Variants in ERC1 observed in about 807,000 individuals in gnomAD.
The protein encoded by ERC1 is ELKS/RAB6-interacting/CAST family member 1, also known as RAB6 interacting protein 2.
A neutral mutation model predicts 132.0 loss-of-function variants in ERC1; 56 were observed. That is an observed-to-expected ratio of 0.42 (90% confidence interval 0.34 to 0.53). ERC1 has a LOEUF of 0.53. Ranked by LOEUF, ERC1 falls within the 20% of genes least tolerant of loss-of-function variation. ERC1 has a pLI of 0.03. For missense variants in ERC1, 1,202 were observed against 1,349.9 expected, an observed-to-expected ratio of 0.89 and a Z score of 1.72; for synonymous variants, 478 against 476.1, an observed-to-expected ratio of 1.00 and a Z score of -0.05.
intron 16 of ERC1, among the ~76,000 whole-genome samples, chr12:1,392,829 A>G (rs1428321039): frequency 6.6e-6 from 1 of 152,218 alleles, no homozygotes; most frequent in Non-Finnish European, 1.5e-5. Flanking sequence ...TCTTCTACAG[A>G]AAAGACTGAA....
rs1942629831 is a variant in ERC1, at chr12:1,084,134, G to C, written c.1086+554G>C. The stretch of plus-strand genomic sequence containing the variant: ...CTGGAGAGAGTGATGTAGAGACACA[G>C]TGTTACTTATTTTTAGCTGACCTAG... On this transcript the variant is annotated intron_variant, in intron 3 of 18. Coordinates refer to ENST00000360905, the MANE Select transcript of ERC1 (RefSeq NM_178040.4). 2.0e-5 allele frequency among the ~76,000 whole-genome samples: 3 copies of C among 152,202 alleles called. No homozygotes were observed. In the South Asian group the frequency reaches 6.2e-4, roughly 32 times the overall value.
intron 14 of ERC1, among the ~76,000 whole-genome samples, chr12:1,277,027 C>T (rs1430764895): frequency 1.3e-5 from 2 of 152,174 alleles, no homozygotes; most frequent in African/African-American, 4.8e-5. Context: ...AAGTTATTTA[C>T]ATTTTTGTGC....
chr12:1,179,633 A>G (rs1286766814), intron 8 of ERC1, among the ~76,000 whole-genome samples: 10 of 145,334 alleles, frequency 6.9e-5, no homozygotes, highest in South Asian at 2.1e-4. Context: ...TCAGCCTCCC[A>G]AGTAGCTGGG....
At chr12:1,213,872 C>A (rs1414396624) in intron 12 of ERC1, among the ~76,000 whole-genome samples, 1 of 151,668 alleles carries the variant, frequency 6.6e-6, no homozygotes, top group Non-Finnish European at 1.5e-5. Context: ...CCACTGCACT[C>A]AGCCTTGGTG....
intron 2 of ERC1, among the ~76,000 whole-genome samples, chr12:1,033,655 G>A (rs573598837): frequency 3.0e-4 from 45 of 151,248 alleles, no homozygotes; most frequent in Middle Eastern, 6.8e-3. Flanking sequence ...TTTTTGAGAC[G>A]GAGTCTTGCT....
intron 13 of ERC1, among the ~76,000 whole-genome samples, chr12:1,240,949 T>A (rs1315005089): frequency 5.3e-5 from 8 of 152,122 alleles, no homozygotes; most frequent in Admixed American, 3.3e-4. Context: ...GAATCCAGAG[T>A]TCAGTAGCTT....
At chr12:1,455,437 C>T (rs2093511066) in intron 18 of ERC1, among the ~76,000 whole-genome samples, 1 of 152,190 alleles carries the variant, frequency 6.6e-6, no homozygotes, top group South Asian at 2.1e-4. Flanking sequence ...TTAGGATGCT[C>T]CCGTATCTGA....
At chr12:1,113,734 A>G (rs551414478) in intron 6 of ERC1, among the ~76,000 whole-genome samples, 1 of 152,332 alleles carries the variant, frequency 6.6e-6, no homozygotes, top group South Asian at 2.1e-4. Flanking sequence ...ACTATTAGTA[A>G]TTTCTGCATT....
chr12:1,436,747 A>G (rs983233257), intron 17 of ERC1, among the ~76,000 whole-genome samples: 2 of 152,194 alleles, frequency 1.3e-5, no homozygotes, highest in Non-Finnish European at 2.9e-5. Context: ...ACGGGCATGC[A>G]GGGAGTTAAA....
chr12:1,415,538 C>T (rs2092075422), intron 17 of ERC1, among the ~76,000 whole-genome samples: 1 of 152,192 alleles, frequency 6.6e-6, no homozygotes, highest in Non-Finnish European at 1.5e-5. Flanking sequence ...TGTCAGTGTA[C>T]TTATCAGTTG....
At chr12:1,300,658 C>G (rs1594859032) in intron 15 of ERC1, among the ~76,000 whole-genome samples, 1 of 152,270 alleles carries the variant, frequency 6.6e-6, no homozygotes, top group South Asian at 2.1e-4. Flanking sequence ...ACAGACACTT[C>G]TCAAAAGAAG....
intron 2 of ERC1, among the ~76,000 whole-genome samples, chr12:1,073,094 G>A (rs1371136650): frequency 6.6e-6 from 1 of 152,138 alleles, no homozygotes; most frequent in Non-Finnish European, 1.5e-5. Flanking sequence ...GAGGTCAAGA[G>A]ATCGAGACCA....
chr12:1,178,579 G>T (rs1300340083), intron 8 of ERC1, among the ~76,000 whole-genome samples: 1 of 152,114 alleles, frequency 6.6e-6, no homozygotes, highest in Non-Finnish European at 1.5e-5. Flanking sequence ...ACATGTATAT[G>T]TATCATTACT....
intron 4 of ERC1, among the ~76,000 whole-genome samples, chr12:1,105,058 A>T (rs1191475218): frequency 6.6e-6 from 1 of 152,236 alleles, no homozygotes; most frequent in Non-Finnish European, 1.5e-5. Context: ...TCTTTAAATC[A>T]GCTATTCGCA....
intron 15 of ERC1, among the ~76,000 whole-genome samples, chr12:1,296,506 T>A (rs112034923): frequency 0.033 from 4,632 of 139,548 alleles, 113 homozygotes; most frequent in Middle Eastern, 0.061. Context: ...CTCCGCCTCC[T>A]GGGTTCAGGC....
chr12:1,125,652 C>G (rs943337999), intron 7 of ERC1, among the ~76,000 whole-genome samples: 3 of 151,964 alleles, frequency 2.0e-5, no homozygotes, highest in Non-Finnish European at 4.4e-5. Context: ...CCCGTCTCTA[C>G]TAAAAATACA....
At chr12:1,341,061 T>TTC in intron 15 of ERC1, among the ~76,000 whole-genome samples, 2 of 100,412 alleles carry the variant, frequency 2.0e-5, no homozygotes, top group African/African-American at 7.2e-5. Context: ...ACTTATTCTT[T>TTC]TCTTTTTCTT....
intron 16 of ERC1, among the ~76,000 whole-genome samples, chr12:1,389,675 G>C (rs1038871407): frequency 6.6e-6 from 1 of 152,056 alleles, no homozygotes; most frequent in Non-Finnish European, 1.5e-5. Context: ...TAGCCATTTT[G>C]CTGATTTGAT....
chr12:1,049,737 G>GT (rs1166061975), intron 2 of ERC1, among the ~76,000 whole-genome samples: 5 of 141,412 alleles, frequency 3.5e-5, no homozygotes, highest in Non-Finnish European at 6.2e-5. Flanking sequence ...ATTTACCAGT[G>GT]TTTTGTGATC....
Sources: gnomAD v4.1 joint callset for allele counts (sites outside exome capture counted in the v4.1 genomes callset) on GRCh38, gnomAD v4.1.1 for gene constraint, MANE v1.5 for transcripts, NCBI Gene and HGNC (gene_info 2026-07-23, HGNC 2026-07-21) for gene names.